The following SLC7A9 variants were observed in gnomAD, a reference collection of about 807,000 sequenced individuals.
The protein encoded by SLC7A9 is solute carrier family 7 member 9.
Under a neutral mutation model 54.1 loss-of-function variants are expected in SLC7A9, and 38 were observed. That is an observed-to-expected ratio of 0.70 (90% CI 0.54 to 0.92). SLC7A9 has a LOEUF of 0.92. SLC7A9 is among the 40% of genes least tolerant of loss of function. SLC7A9 has a pLI of 0.00. For missense variants in SLC7A9, 537 were observed against 636.1 expected (o/e 0.84, Z 1.68); for synonymous variants, 264 against 258.9 (o/e 1.02, Z -0.19).
chr19:32,864,866 C>A, intron 2 of SLC7A9, 90 bp from the exon 3 acceptor site: 2 of 1,557,934 alleles, frequency 1.3e-6, no homozygotes, highest in Non-Finnish European at 1.8e-6. Flanking sequence ...ACGGCCAGGG[C>A]GGCCCCAGCC....
intron 1 of SLC7A9, among the ~76,000 whole-genome samples, chr19:32,869,208 G>C (rs1473775768): frequency 1.3e-5 from 2 of 152,044 alleles, no homozygotes; most frequent in East Asian, 3.9e-4. Context: ...GGGCCACAGA[G>C]CGAGATTCTG....
At chr19:32,837,715 G>GTCAGTACGCCTACACGTGGCTT (rs1270066915) in intron 11 of SLC7A9, among the ~76,000 whole-genome samples, 5 of 152,062 alleles carry the variant, frequency 3.3e-5, no homozygotes, top group Admixed American at 1.3e-4. Flanking sequence ...ACCTCACACT[G>GTCAGTACGCCTACACGTGGCTT]TCAGTACGCC....
intron 9 of SLC7A9, among the ~76,000 whole-genome samples, chr19:32,856,210 T>C (rs1342794517): frequency 3.3e-5 from 5 of 151,428 alleles, no homozygotes; most frequent in Admixed American, 6.6e-5. Flanking sequence ...TTTTTTTTTT[T>C]CTGAGACGGA....
chr19:32,860,596 C>T lies in SLC7A9; in HGVS notation c.749+10G>A. On this transcript the variant is annotated intron_variant, in intron 7 of 12. Transcript: ENST00000023064. The stretch of plus-strand genomic sequence containing the variant: ...CCGGCTACTGTCCTCTGCACTGATT[C>T]AGCTGTTACCTGTAAGGGTTTCTAA... 1 of 1,614,090 alleles carries T rather than the reference C, an allele frequency of 6.2e-7. No homozygotes were observed. The highest frequency in any genetic ancestry group is 8.5e-7 in the Non-Finnish European group (1 of 1,180,000).
At position 32,864,317 on chromosome 19, in the gene SLC7A9, A is replaced by C; in HGVS notation, c.257T>G (p.Leu86Arg). 1.9e-6 allele frequency: 3 copies of C among 1,614,038 alleles called. No homozygotes were observed. Among genetic ancestry groups the C allele is most frequent in the Non-Finnish European group, 1.7e-6 (2 of 1,180,008 alleles). ...ATLGALCFAE[L>R]GTMITKSGGE... ...CCCTGACTTGGTGATCATTGTGCCA[A>C]GCTCCGCAAAGCACAGGGCACCTGG... Residue 86 changes from leucine to arginine, a missense_variant, in exon 4 of 13, where the codon CTT becomes CGT. Transcript: ENST00000023064.
chr19:32,859,587 A>G (rs1968733227), intron 8 of SLC7A9, among the ~76,000 whole-genome samples: 1 of 152,048 alleles, frequency 6.6e-6, no homozygotes, highest in African/African-American at 2.4e-5. Context: ...ATTTTTTAAT[A>G]TATAATGACC....
Position 32,830,702 on chromosome 19 carries a change from A to T in SLC7A9, c.1400-18T>A. The T allele has an allele frequency of 6.2e-7, 1 of 1,605,642 alleles. No homozygotes were observed. Among genetic ancestry groups the T allele is most frequent in the Non-Finnish European group, 8.5e-7 (1 of 1,172,386 alleles). On this transcript the variant is annotated intron_variant, in intron 12 of 12. Transcript: ENST00000023064. The stretch of plus-strand genomic sequence containing the variant: ...AATCGGCTCTGAAATAAGAGTCAAA[A>T]ATGAGTACAGTTAGTTAGACTGAAA...
At chr19:32,843,661 T>C (rs1968192771) in intron 10 of SLC7A9, among the ~76,000 whole-genome samples, 194 bp downstream of exon 10, 2 of 152,178 alleles carry the variant, frequency 1.3e-5, no homozygotes, top group African/African-American at 4.8e-5. Context: ...GGGCATACAC[T>C]GTCTTTCGTG....
intron 11 of SLC7A9, among the ~76,000 whole-genome samples, chr19:32,839,796 A>T (rs1344099681): frequency 6.6e-6 from 1 of 152,160 alleles, no homozygotes; most frequent in Non-Finnish European, 1.5e-5. Flanking sequence ...TGGGAGTGGG[A>T]ACAGGAAAAG....
At chr19:32,843,262 G>A (rs1185706371) in intron 10 of SLC7A9, among the ~76,000 whole-genome samples, 2 of 152,042 alleles carry the variant, frequency 1.3e-5, no homozygotes, top group Non-Finnish European at 2.9e-5. Flanking sequence ...TTCAAGACCA[G>A]CCTGGCCAGC....
intron 9 of SLC7A9, among the ~76,000 whole-genome samples, chr19:32,858,222 C>T (rs1361631377): frequency 3.9e-5 from 6 of 152,154 alleles, no homozygotes; most frequent in Non-Finnish European, 8.8e-5. Context: ...TCCAGGCAGC[C>T]TTGATCAATT....
chr19:32,841,822 G>A (rs934168725), intron 11 of SLC7A9, among the ~76,000 whole-genome samples: 4 of 152,172 alleles, frequency 2.6e-5, no homozygotes, highest in African/African-American at 9.7e-5. Context: ...CAGGAGAGTT[G>A]CCTGAACCGG....
Position 32,836,135 on chromosome 19 carries a change from G to A in SLC7A9, c.1225-2812C>T, listed in dbSNP as rs572971248. On this transcript the variant is annotated intron_variant, in intron 11 of 12. Coordinates refer to ENST00000023064, the MANE Select transcript of SLC7A9 (RefSeq NM_014270.5). The stretch of plus-strand genomic sequence containing the variant: ...TCACCATGTTGGCTAGGATGGTCTC[G>A]ATCTCCTGACCTTGTGATCCGCCGG... 4.2e-3 allele frequency among the ~76,000 whole-genome samples: 638 copies of A among 152,166 alleles called. 5 individuals carry two copies. Among genetic ancestry groups the A allele is most frequent in the African/African-American group, 0.015 (607 of 41,498 alleles).
Position 32,830,602 on chromosome 19 carries a change from T to C in SLC7A9, c.*18A>G. ...AGAAAATAAATTCAGCTGACTTGGC[T>C]ACAAGAGACGGAGCTTGTTACTCAG... On this transcript the variant is annotated 3_prime_UTR_variant, in exon 13 of 13. Transcript: ENST00000023064. 4 of 1,600,600 alleles carry C rather than the reference T, an allele frequency of 2.5e-6. No homozygotes were observed. Among genetic ancestry groups the C allele is most frequent in the Non-Finnish European group, 3.4e-6 (4 of 1,167,652 alleles).
At chr19:32,861,095 G>A (rs561766443) in intron 6 of SLC7A9, among the ~76,000 whole-genome samples, 55 of 152,122 alleles carry the variant, frequency 3.6e-4, no homozygotes, top group Non-Finnish European at 7.1e-4. Context: ...TTGAGAAGCC[G>A]AGGTGGGCAG....
chr19:32,846,386 G>A (rs939711574), intron 9 of SLC7A9, among the ~76,000 whole-genome samples: 27 of 152,312 alleles, frequency 1.8e-4, no homozygotes, highest in Admixed American at 1.0e-3. Flanking sequence ...CACCTGGCTC[G>A]GAGGGTCCTA....
intron 9 of SLC7A9, among the ~76,000 whole-genome samples, chr19:32,846,159 AGACAGTGGGCGCAG>A (rs1291613410): frequency 6.6e-6 from 1 of 152,248 alleles, no homozygotes; most frequent in South Asian, 2.1e-4. Context: ...AGGGAGTGCC[AGACAGTGGGCGCAG>A]GACAGTGGGT....
At chr19:32,860,717 A>G in intron 6 of SLC7A9, 67 bp from the exon 7 acceptor site, 1 of 1,596,630 alleles carries the variant, frequency 6.3e-7, no homozygotes. Context: ...AACCCACAAT[A>G]ATAAATGTTG....
Position 32,842,171 on chromosome 19 carries a change from G to C in SLC7A9, c.1221C>G (p.Ile407Met). The change falls in exon 11 of 13, where the codon ATC becomes ATG. Residue 407 changes from isoleucine to methionine, a missense_variant. Physicochemically the swap from Ile to Met is conservative, Grantham distance 10. Coordinates refer to ENST00000023064, the MANE Select transcript of SLC7A9 (RefSeq NM_014270.5). ...RFTRKELERP[I>M]KVPVVIPVLM... The stretch of plus-strand genomic sequence containing the variant: ...GACTCTGGGGCTGCAAGCTTACCTT[G>C]ATAGGCCTTTCCAGCTCTTTCCTTG... 1.2e-6 allele frequency: 2 copies of C among 1,614,134 alleles called. No individual in the cohort carries two copies. The highest frequency in any genetic ancestry group is 1.7e-6 in the Non-Finnish European group (2 of 1,180,018).
Sources: gnomAD v4.1 joint callset for allele counts (sites outside exome capture counted in the v4.1 genomes callset) on GRCh38, gnomAD v4.1.1 for gene constraint, MANE v1.5 for transcripts, NCBI Gene and HGNC (gene_info 2026-07-23, HGNC 2026-07-21) for gene names.